PCDHGA2: variants seen among roughly 807,000 people sequenced by gnomAD.
PCDHGA2 encodes the protein protocadherin gamma subfamily A, 2, also known as protocadherin gamma-A2.
Under a neutral mutation model 59.2 loss-of-function variants are expected in PCDHGA2, and 40 were observed. That is an observed-to-expected ratio of 0.68 (90% CI 0.52 to 0.88). The LOEUF is 0.88. PCDHGA2 is among the 40% of genes least tolerant of loss of function. The pLI is 0.00. For missense variants in PCDHGA2, 1,226 were observed against 1,204.0 expected, an observed-to-expected ratio of 1.02 and a Z score of -0.27; for synonymous variants, 560 against 526.0, an observed-to-expected ratio of 1.06 and a Z score of -0.89.
At chr5:141,508,604 A>G (rs2099870124) in intron 3 of PCDHGA2, among the ~76,000 whole-genome samples, 1 of 152,150 alleles carries the variant, frequency 6.6e-6, no homozygotes, top group African/African-American at 2.4e-5. Flanking sequence ...TCTTGGGTGC[A>G]CATAGGACGT....
rs1004089667 is a variant in PCDHGA2, at chr5:141,497,399, C to G, written c.2483+2534C>G. The stretch of plus-strand genomic sequence containing the variant: ...TGGGGTGAGCACCTTACCCCTGCCT[C>G]AACTCCCATTCCATCAAATGAGAGG... On this transcript the variant is annotated intron_variant, in intron 2 of 3. Coordinates refer to ENST00000394576, the MANE Select transcript of PCDHGA2 (RefSeq NM_018915.4). Among the ~76,000 whole-genome samples the G allele has an allele frequency of 5.9e-5, 9 of 152,146 alleles. 1 individual carries two copies. The highest frequency in any genetic ancestry group is 1.2e-4 in the Non-Finnish European group (8 of 68,034).
chr5:141,365,547 C>A, intron 1 of PCDHGA2: 1 of 1,613,738 alleles, frequency 6.2e-7, no homozygotes, highest in Non-Finnish European at 8.5e-7. Flanking sequence ...CACCTATTAA[C>A]AACTAGGGAC....
At chr5:141,364,462 C>T (rs897608860) in intron 1 of PCDHGA2, 23 of 1,613,902 alleles carry the variant, frequency 1.4e-5, no homozygotes, top group Non-Finnish European at 1.8e-5. Flanking sequence ...AAGGCTCCTT[C>T]GTCGGCAACA....
chr5:141,488,175 T>C (rs889217562), intron 1 of PCDHGA2, among the ~76,000 whole-genome samples: 1 of 152,168 alleles, frequency 6.6e-6, no homozygotes, highest in Non-Finnish European at 1.5e-5. Context: ...AGTGGTGGCA[T>C]AGATCTTTTG....
intron 1 of PCDHGA2, among the ~76,000 whole-genome samples, chr5:141,425,040 A>G (rs2096853898): frequency 6.6e-6 from 1 of 152,182 alleles, no homozygotes; most frequent in South Asian, 2.1e-4. Flanking sequence ...TTAGTTGTAA[A>G]CTGACTATCT....
chr5:141,390,665 T>C, intron 1 of PCDHGA2: 1 of 192,900 alleles, frequency 5.2e-6, no homozygotes, highest in Non-Finnish European at 1.1e-5. Context: ...ACCATAAATA[T>C]AAAAATAATA....
intron 1 of PCDHGA2, chr5:141,423,431 G>T: frequency 6.2e-7 from 1 of 1,614,010 alleles, no homozygotes; most frequent in South Asian, 1.1e-5. Context: ...GGGTTGGCAG[G>T]TATGCCCACG....
Position 141,341,150 on chromosome 5 carries a change from G to A in PCDHGA2, c.2179G>A (p.Ala727Thr). ...RRWHKSRLLQ[A>T]SGGSLTGMQS... Reference sequence around the variant, plus strand: ...CTGGCACAAGTCACGCCTGCTGCAGGCTTCAGGAGGCAGCTTGACAGGCAT... The same window carrying A: ...CTGGCACAAGTCACGCCTGCTGCAGACTTCAGGAGGCAGCTTGACAGGCAT... Residue 727 changes from alanine to threonine, a missense_variant, in exon 1 of 4, where the codon GCT becomes ACT. Physicochemically the swap from Ala to Thr is moderately conservative, Grantham distance 58. Transcript: ENST00000394576. 9 of 1,614,240 alleles carry A rather than the reference G, an allele frequency of 5.6e-6. No individual in the cohort carries two copies. Among genetic ancestry groups the A allele is most frequent in the African/African-American group, 2.7e-5 (2 of 75,070 alleles).
chr5:141,377,007 T>A (rs985572001), intron 1 of PCDHGA2: 1 of 155,470 alleles, frequency 6.4e-6, no homozygotes, highest in African/African-American at 2.4e-5. Context: ...TTTTTATTGG[T>A]TGACAGGAAA....
At chr5:141,427,276 T>G (rs1281222927) in intron 1 of PCDHGA2, 1 of 456,754 alleles carries the variant, frequency 2.2e-6, no homozygotes, top group Non-Finnish European at 4.4e-6. Context: ...GAATGTAAAA[T>G]TATACTAGAA....
intron 3 of PCDHGA2, among the ~76,000 whole-genome samples, chr5:141,506,833 C>A (rs1462038297): frequency 1.3e-5 from 2 of 152,092 alleles, no homozygotes; most frequent in African/African-American, 4.8e-5. Context: ...AACTGATAGC[C>A]CTGCCCTCCA....
intron 1 of PCDHGA2, chr5:141,387,894 G>C: frequency 1.9e-6 from 3 of 1,540,604 alleles, no homozygotes; most frequent in Non-Finnish European, 8.7e-7. Context: ...GATGGGGAGC[G>C]GCGCCGGGGA....
rs1312182657 is a variant in PCDHGA2 at position 141,406,777 on chromosome 5, CTT to C, written c.2424+65383_2424+65384del. Among the ~76,000 whole-genome samples the C allele has an allele frequency of 2.0e-5, 3 of 152,268 alleles. No individual in the cohort carries two copies. The East Asian group carries it at 5.8e-4, about 29-fold the overall frequency. On this transcript the variant is annotated intron_variant, in intron 1 of 3. Coordinates refer to ENST00000394576, the MANE Select transcript of PCDHGA2 (RefSeq NM_018915.4). ...CAAGGAATTAAAAATATTTCTCTCA[CTT>C]ATATATTATTTCTGGCTCAATTCTC...
At chr5:141,414,514 G>A in intron 1 of PCDHGA2, 1 of 1,613,964 alleles carries the variant, frequency 6.2e-7, no homozygotes, top group Non-Finnish European at 8.5e-7. Context: ...GCTACAAGTG[G>A]CAGATATCAA....
At chr5:141,468,758 C>G (rs929005462) in intron 1 of PCDHGA2, among the ~76,000 whole-genome samples, 1 of 151,802 alleles carries the variant, frequency 6.6e-6, no homozygotes, top group Admixed American at 6.6e-5. Context: ...CCCAGCTACT[C>G]GGGAGGCTGA....
intron 1 of PCDHGA2, among the ~76,000 whole-genome samples, chr5:141,445,544 T>C (rs1223868698): frequency 6.6e-6 from 1 of 152,126 alleles, no homozygotes; most frequent in Non-Finnish European, 1.5e-5. Context: ...CAAGGAGAAA[T>C]ACAAAAGCAC....
chr5:141,418,572 AC>A lies in PCDHGA2; in HGVS notation c.2425-76229del, dbSNP rs752316020. 8.1e-6 allele frequency: 13 copies of A among 1,613,794 alleles called. 1 individual carries two copies. The Admixed American group carries it at 1.8e-4, about 23-fold the overall frequency. ...ATCCTGGTAATAGATGCCAATGACA[AC>A]CCCCCAGTGTTCAGCCAGGACGTGT... On this transcript the variant is annotated intron_variant, in intron 1 of 3. Transcript: ENST00000394576.
chr5:141,400,044 G>C lies in PCDHGA2; in HGVS notation c.2424+58649G>C, dbSNP rs745775469. 4 of 1,613,556 alleles carry C rather than the reference G, an allele frequency of 2.5e-6. No homozygotes were observed. In the South Asian group the frequency reaches 4.4e-5, roughly 18 times the overall value. On this transcript the variant is annotated intron_variant, in intron 1 of 3. Coordinates refer to ENST00000394576, the MANE Select transcript of PCDHGA2 (RefSeq NM_018915.4). ...GGGACGCGGCCCGCCAGCGCCTGCT[G>C]GTTGCTGTGCGTGATGGTGGACAGC...
intron 1 of PCDHGA2, chr5:141,419,588 A>C: frequency 6.2e-7 from 1 of 1,611,830 alleles, no homozygotes; most frequent in Non-Finnish European, 8.5e-7. Flanking sequence ...GCTCTTCGAC[A>C]CAGTGCCGCG....
Sources: gnomAD v4.1 joint callset for allele counts (sites outside exome capture counted in the v4.1 genomes callset) on GRCh38, gnomAD v4.1.1 for gene constraint, MANE v1.5 for transcripts, NCBI Gene and HGNC (gene_info 2026-07-23, HGNC 2026-07-21) for gene names.